Variants in CCNC observed in about 807,000 individuals in gnomAD.
CCNC encodes the protein cyclin-C.
Under a neutral mutation model 50.0 loss-of-function variants are expected in CCNC, and 19 were observed. The observed-to-expected ratio is 0.38, with a 90% confidence interval of 0.27 to 0.56. The LOEUF is 0.56. Among genes scored for constraint, CCNC ranks in the 20% least tolerant of loss-of-function variants. The probability of loss-of-function intolerance (pLI) is 0.72; values close to 1 mark genes in which losing one functional copy is unlikely to be tolerated. For synonymous variants in CCNC, 93 were observed against 103.7 expected (o/e 0.90, Z 0.63); for missense variants, 200 against 327.1 (o/e 0.61, Z 3.00).
intron 1 of CCNC, among the ~76,000 whole-genome samples, chr6:99,567,524 T>C (rs1769188061): frequency 6.6e-6 from 1 of 152,196 alleles, no homozygotes; most frequent in African/African-American, 2.4e-5. Flanking sequence ...TTTCCTTAAA[T>C]AGGTTACTGA....
intron 5 of CCNC, among the ~76,000 whole-genome samples, chr6:99,553,420 T>C (rs1156654575): frequency 6.6e-6 from 1 of 152,228 alleles, no homozygotes; most frequent in African/African-American, 2.4e-5. Context: ...TACCTGATAC[T>C]GTCACATGTC....
chr6:99,565,667 G>A (rs1412677189), intron 1 of CCNC, among the ~76,000 whole-genome samples: 1 of 151,886 alleles, frequency 6.6e-6, no homozygotes, highest in East Asian at 1.9e-4. Context: ...TGTTTTTCAT[G>A]TTAAGGAAGC....
At chr6:99,557,734 A>G (rs1802586517) in intron 5 of CCNC, 1 of 141,648 alleles carries the variant, frequency 7.1e-6, no homozygotes, top group Non-Finnish European at 1.5e-5. Context: ...TGAACCCAGG[A>G]GGCGGAAGTT....
Position 99,567,384 on chromosome 6 carries a change from TATACACACACATATATATATAC to T in CCNC, c.32+1090_32+1111del, listed in dbSNP as rs1263372868. Among the ~76,000 whole-genome samples, 1,214 of 147,130 alleles carry T rather than the reference TATACACACACATATATATATAC, an allele frequency of 8.3e-3. 19 individuals are homozygous for T. Among genetic ancestry groups the T allele is most frequent in the African/African-American group, 0.03 (1,172 of 39,458 alleles). ...CAGTGTGTGAAAACAATGCAACATA[TATACACACACATATATATATAC>T]ATACACACACACACATATATATACA... On this transcript the variant is annotated intron_variant, in intron 1 of 11. Transcript: ENST00000520429.
intron 7 of CCNC, chr6:99,550,733 T>G (rs1275703540): frequency 8.0e-6 from 2 of 251,046 alleles, no homozygotes; most frequent in Non-Finnish European, 1.5e-5. Flanking sequence ...ATGTCCTGAC[T>G]TGTCTGTTTG....
At chr6:99,561,496 A>T (rs1802777500) in intron 3 of CCNC, 60 bp from the exon 4 acceptor site, 1 of 1,395,326 alleles carries the variant, frequency 7.2e-7, no homozygotes, top group Non-Finnish European at 9.9e-7. Flanking sequence ...TGGGAAAAAA[A>T]TCAAGATAAC....
At chr6:99,556,444 C>G (rs1305138580) in intron 5 of CCNC, among the ~76,000 whole-genome samples, 1 of 152,192 alleles carries the variant, frequency 6.6e-6, no homozygotes, top group Admixed American at 6.5e-5. Context: ...TCTACCTGCC[C>G]TCTCCTCCAA....
chr6:99,550,658 C>T, intron 7 of CCNC: 1 of 271,290 alleles, frequency 3.7e-6, no homozygotes, highest in Non-Finnish European at 6.9e-6. Context: ...CTGCCAAAGA[C>T]ATAATCTATC....
intron 1 of CCNC, among the ~76,000 whole-genome samples, chr6:99,567,194 TA>T (rs142047249): frequency 0.14 from 21,726 of 152,070 alleles, 1,809 homozygotes; most frequent in Middle Eastern, 0.24. Flanking sequence ...CTTTTTTTTT[TA>T]AGTTGAAAAA....
In CCNC at chr6:99,568,504, G is replaced by A; in HGVS notation, c.24C>T (p.Ser8=). The A allele has an allele frequency of 6.2e-7, 1 of 1,612,922 alleles. No individual in the cohort carries two copies. The highest frequency in any genetic ancestry group is 1.3e-5 in the African/African-American group (1 of 74,992). Residue 8 remains serine, a synonymous_variant, in exon 1 of 12, where the codon AGC becomes AGT. Transcript: ENST00000520429. ...GACGGAAGATCGCTTACTAGTGGGA[G>A]CTCTGCCAAAAGTTCCCTGCCATGG... The part of the protein sequence containing the change: MAGNFWQ[S]SHYLQWILDK...
intron 8 of CCNC, 75 bp from the exon 9 acceptor site, chr6:99,549,650 C>T (rs1802212790): frequency 2.2e-6 from 2 of 891,890 alleles, no homozygotes; most frequent in African/African-American, 3.3e-5. Context: ...CCAGAGAGGG[C>T]CAGATTTCCC....
intron 5 of CCNC, chr6:99,558,203 C>T (rs1276433040): frequency 1.5e-5 from 6 of 395,760 alleles, no homozygotes; most frequent in South Asian, 9.0e-5. Flanking sequence ...CAATAAAATT[C>T]GGAAACAGAA....
intron 7 of CCNC, 111 bp downstream of exon 7, chr6:99,550,882 T>C: frequency 2.1e-6 from 1 of 483,276 alleles, no homozygotes; most frequent in African/African-American, 2.0e-5. Context: ...CCATCACATA[T>C]TAGGTGGATG....
At chr6:99,550,876 C>A (rs555651951) in intron 7 of CCNC, 117 bp downstream of exon 7, 1 of 445,308 alleles carries the variant, frequency 2.2e-6, no homozygotes, top group Non-Finnish European at 3.8e-6. Flanking sequence ...ATTTCACCAT[C>A]ACATATTAGG....
chr6:99,561,402 C>T lies in CCNC; in HGVS notation c.259G>A (p.Ala87Thr), dbSNP rs1251149886. 1 of 1,592,048 alleles carries T rather than the reference C, an allele frequency of 6.3e-7. No homozygotes were observed. Residue 87 changes from alanine to threonine, a missense_variant, in exon 4 of 12, where the codon GCT becomes ACT. Coordinates refer to ENST00000520429, the MANE Select transcript of CCNC (RefSeq NM_005190.4). ...SLKSIDPVLMAPTCVFLASKV... is the reference protein window; with the variant it reads ...SLKSIDPVLMTPTCVFLASKV... ...GATGCCAAAAACACACATGTAGGAG[C>T]CATTAATACAGGATCTATACTTTTC... is the stretch of plus-strand genomic sequence containing the variant.
intron 5 of CCNC, among the ~76,000 whole-genome samples, chr6:99,557,023 C>T (rs1469522849): frequency 6.6e-6 from 1 of 151,770 alleles, no homozygotes; most frequent in African/African-American, 2.4e-5. Flanking sequence ...GTTTTCCCCA[C>T]TATTTCCTTA....
chr6:99,556,787 GGCA>G (rs1214372721), intron 5 of CCNC, among the ~76,000 whole-genome samples: 2 of 152,224 alleles, frequency 1.3e-5, no homozygotes, highest in Non-Finnish European at 2.9e-5. Context: ...CCGGCGTGGT[GGCA>G]CACACCTGTA....
intron 1 of CCNC, among the ~76,000 whole-genome samples, chr6:99,567,440 C>T (rs534982700): frequency 2.0e-5 from 3 of 152,012 alleles, no homozygotes; most frequent in Non-Finnish European, 4.4e-5. Flanking sequence ...CACACACACA[C>T]ATATGATCAG....
Position 99,550,402 on chromosome 6 carries a change from T to C in CCNC, c.439-93A>G, listed in dbSNP as rs546997012. ...TACCCAACTGATTTGTAATTGTGTA[T>C]TTCAAAGTGAATTTCACTAACTCAT... On this transcript the variant is annotated intron_variant, in intron 7 of 11. Transcript: ENST00000520429. 1,822 of 849,718 alleles carry C rather than the reference T, an allele frequency of 2.1e-3. 9 individuals carry two copies. The highest frequency in any genetic ancestry group is 1.6e-3 in the Non-Finnish European group (837 of 532,868). The allele number at this position is 849,718 out of a possible 1,614,324, so 52.6% of individuals were successfully genotyped here.
Sources: gnomAD v4.1 joint callset for allele counts (sites outside exome capture counted in the v4.1 genomes callset) on GRCh38, gnomAD v4.1.1 for gene constraint, MANE v1.5 for transcripts, NCBI Gene and HGNC (gene_info 2026-07-23, HGNC 2026-07-21) for gene names.